Variants in CD99 observed in about 807,000 individuals in gnomAD.
CD99 encodes CD99 molecule (Xg blood group).
Under a neutral mutation model 28.4 loss-of-function variants are expected in CD99, and 19 were observed. That is an observed-to-expected ratio of 0.67 (90% CI 0.47 to 0.98). The LOEUF is 0.98. Among genes scored for constraint, CD99 ranks in the 50% least tolerant of loss-of-function variants. The probability of loss-of-function intolerance (pLI) is 0.00; values close to 1 mark genes in which losing one functional copy is unlikely to be tolerated. For synonymous variants in CD99, 103 were observed against 92.1 expected (o/e 1.12, Z -0.67); for missense variants, 283 against 248.8 (o/e 1.14, Z -0.92).
At chrX:2,709,901 G>C (rs2048321545) in intron 1 of CD99, among the ~76,000 whole-genome samples, 1 of 152,168 alleles carries the variant, frequency 6.6e-6, no homozygotes, top group African/African-American at 2.4e-5. Context: ...GGGACACCTG[G>C]GTGGGCAAAT....
At chrX:2,717,833 A>G in intron 3 of CD99, 181 bp downstream of exon 3, 1 of 615,938 alleles carries the variant, frequency 1.6e-6, no homozygotes, top group Middle Eastern at 3.1e-4. Context: ...TGATTCCAGT[A>G]AAAGAATGGT....
intron 1 of CD99, among the ~76,000 whole-genome samples, chrX:2,705,548 A>G (rs1056776360): frequency 2.0e-5 from 3 of 152,146 alleles, no homozygotes; most frequent in Non-Finnish European, 4.4e-5. Flanking sequence ...GGTGAGATGG[A>G]TTTAAATATG....
At chrX:2,732,673 T>A (rs1357732416) in intron 8 of CD99, among the ~76,000 whole-genome samples, 2 of 147,702 alleles carry the variant, frequency 1.4e-5, no homozygotes, top group African/African-American at 5.0e-5. Context: ...TATCTCTTCC[T>A]TTCTTCCTTC....
At chrX:2,716,087 C>T (rs776965329) in intron 2 of CD99, among the ~76,000 whole-genome samples, 3 of 150,512 alleles carry the variant, frequency 2.0e-5, no homozygotes, top group Admixed American at 6.6e-5. Context: ...GGCACGATCT[C>T]GGCTCACTGC....
At chrX:2,740,394 A>C (rs2050143814) in intron 9 of CD99, among the ~76,000 whole-genome samples, 1 of 152,178 alleles carries the variant, frequency 6.6e-6, no homozygotes, top group South Asian at 2.1e-4. Context: ...AAAGTTTCCA[A>C]AACTTAAATG....
chrX:2,737,336 C>T (rs2049996718), intron 8 of CD99, among the ~76,000 whole-genome samples: 1 of 151,330 alleles, frequency 6.6e-6, no homozygotes, highest in Admixed American at 6.6e-5. Context: ...CGCCACCACG[C>T]CCAGCTAATT....
chrX:2,710,256 T>C (rs2048333805), intron 1 of CD99, among the ~76,000 whole-genome samples: 1 of 152,170 alleles, frequency 6.6e-6, no homozygotes, highest in Non-Finnish European at 1.5e-5. Context: ...TCCTGGGTTC[T>C]GCTGTGAGCG....
At chrX:2,692,116 G>T in intron 1 of CD99, 1 of 594,634 alleles carries the variant, frequency 1.7e-6, no homozygotes, top group Non-Finnish European at 3.0e-6. Context: ...AAAGAGCCAC[G>T]GTCACCCTCC....
At chrX:2,724,648 T>A (rs1451817409) in intron 7 of CD99, among the ~76,000 whole-genome samples, 2 of 151,986 alleles carry the variant, frequency 1.3e-5, no homozygotes, top group Non-Finnish European at 2.9e-5. Flanking sequence ...CTCACACCTG[T>A]AATCCTAGCA....
intron 7 of CD99, among the ~76,000 whole-genome samples, chrX:2,725,468 C>G (rs151015720): frequency 0.032 from 4,818 of 152,276 alleles, 221 homozygotes; most frequent in African/African-American, 0.1. Context: ...AAACCCAAAG[C>G]TATCTTCAAG....
At chrX:2,696,397 C>T (rs978534256) in intron 1 of CD99, among the ~76,000 whole-genome samples, 3 of 146,170 alleles carry the variant, frequency 2.1e-5, no homozygotes, top group African/African-American at 8.1e-5. Context: ...GATATTCTTT[C>T]TTTTCTTTTC....
chrX:2,713,051 C>T (rs191034951), intron 1 of CD99, among the ~76,000 whole-genome samples: 32 of 151,796 alleles, frequency 2.1e-4, no homozygotes, highest in African/African-American at 7.3e-4. Context: ...CATGCACAAA[C>T]ACACCTACAC....
intron 1 of CD99, among the ~76,000 whole-genome samples, chrX:2,703,918 G>A (rs1218441011): frequency 6.6e-6 from 1 of 152,078 alleles, no homozygotes; most frequent in Non-Finnish European, 1.5e-5. Context: ...CCTGTGGAAG[G>A]GGTGACAGGG....
intron 1 of CD99, among the ~76,000 whole-genome samples, chrX:2,713,681 C>T (rs1328778711): frequency 2.0e-5 from 3 of 152,172 alleles, no homozygotes; most frequent in African/African-American, 4.8e-5. Context: ...TTGGACCCCT[C>T]GCCACCCACC....
In CD99 at chrX:2,691,391, C is replaced by T. The variant is rs1366931089; in HGVS notation, c.31C>T (p.Leu11Phe). MARGAALALL[L>F]FGLLGVLVAA... ...CCGCGGGGCTGCGCTGGCGCTGCTGCTCTTCGGCCTGCTGGGTGTTCTGGT... is the reference window on the plus strand; with the variant it reads ...CCGCGGGGCTGCGCTGGCGCTGCTGTTCTTCGGCCTGCTGGGTGTTCTGGT... Residue 11 changes from leucine (L) to phenylalanine (F), a missense_variant, in exon 1 of 10, where the codon CTC becomes TTC. By Grantham distance (22) the Leu-to-Phe change is conservative (BLOSUM62 0). Coordinates refer to ENST00000381192, the MANE Select transcript of CD99 (RefSeq NM_002414.5). 4 of 1,583,134 alleles carry T rather than the reference C, an allele frequency of 2.5e-6. No homozygotes were observed. The highest frequency in any genetic ancestry group is 1.7e-5 in the Admixed American group (1 of 58,740).
At chrX:2,740,609 A>G in intron 9 of CD99, 170 bp from the exon 10 acceptor site, 1 of 176,048 alleles carries the variant, frequency 5.7e-6, no homozygotes, top group Non-Finnish European at 1.1e-5. Flanking sequence ...TCATTCAATG[A>G]AATTGATTGA....
chrX:2,717,687 A>G, intron 3 of CD99, 35 bp downstream of exon 3: 1 of 1,588,336 alleles, frequency 6.3e-7, no homozygotes, highest in Non-Finnish European at 8.6e-7. Context: ...GCAAAGAAAA[A>G]GAGCAAATCA....
intron 8 of CD99, among the ~76,000 whole-genome samples, chrX:2,728,706 AATGAC>A (rs1382078823): frequency 6.6e-6 from 1 of 152,074 alleles, no homozygotes; most frequent in Non-Finnish European, 1.5e-5. Context: ...TTTGCTTTTC[AATGAC>A]ATTTCTTTTT....
intron 9 of CD99, among the ~76,000 whole-genome samples, chrX:2,738,773 G>A (rs2050068827): frequency 6.6e-6 from 1 of 151,858 alleles, no homozygotes; most frequent in South Asian, 2.1e-4. Context: ...TAGTTGGGAA[G>A]TCCACAGCTG....
Sources: allele counts gnomAD v4.1 joint callset (sites outside exome capture counted in the v4.1 genomes callset), GRCh38; gene constraint gnomAD v4.1.1; transcripts MANE v1.5; gene names NCBI Gene and HGNC (gene_info 2026-07-23, HGNC 2026-07-21).